The following WDR37 variants were observed in gnomAD, a reference collection of about 807,000 sequenced individuals.
The protein encoded by WDR37 is WD repeat-containing protein 37.
In WDR37, 19 loss-of-function variants were observed where a neutral mutation model predicts 62.9. That is an observed-to-expected ratio of 0.30 (90% CI 0.21 to 0.44). The LOEUF (loss-of-function observed/expected upper bound fraction) is 0.44. Ranked by LOEUF, WDR37 falls within the 20% of genes least tolerant of loss-of-function variation. WDR37 has a pLI of 1.00. For missense variants in WDR37, 474 were observed against 657.6 expected (o/e 0.72, Z 3.05); for synonymous variants, 250 against 260.9 (o/e 0.96, Z 0.40).
At chr10:1,089,664 G>A (rs117884517) in intron 7 of WDR37, among the ~76,000 whole-genome samples, 9 of 28,162 alleles carry the variant, frequency 3.2e-4, no homozygotes, top group Admixed American at 1.4e-3. Flanking sequence ...CTCACCCGCA[G>A]TTCGGCCTTC....
chr10:1,066,402 C>T (rs1056291510), intron 1 of WDR37, among the ~76,000 whole-genome samples: 9 of 152,198 alleles, frequency 5.9e-5, no homozygotes, highest in African/African-American at 2.2e-4. Flanking sequence ...AGGCGTGAGC[C>T]ACCTCGCCCA....
At chr10:1,101,789 C>T (rs900305977) in intron 9 of WDR37, among the ~76,000 whole-genome samples, 1 of 152,230 alleles carries the variant, frequency 6.6e-6, no homozygotes, top group Non-Finnish European at 1.5e-5. Flanking sequence ...TTAACCTTTC[C>T]TTTCCTCACA....
rs1398358848 is a variant in WDR37, at chr10:1,130,231, G to C, written c.*887G>C. ...TTCCGAATGGGCTCACTCCCGTGGT[G>C]GTGTTTGAGAGCCAACAACACTACC... On this transcript the variant is annotated 3_prime_UTR_variant, in exon 14 of 14. Coordinates refer to ENST00000263150, the MANE Select transcript of WDR37 (RefSeq NM_014023.4). 6.6e-6 allele frequency: 1 copy of C among 152,668 alleles called. No individual in the cohort carries two copies. Among genetic ancestry groups the C allele is most frequent in the East Asian group, 1.9e-4 (1 of 5,198 alleles). 9.5% of individuals were successfully genotyped at this position (152,668 alleles called of 1,614,324 possible). A position where few individuals can be genotyped will look rare whatever the true frequency, so the allele number is the denominator to read the frequency against.
At chr10:1,058,896 AATTT>A (rs1425166409) in intron 1 of WDR37, among the ~76,000 whole-genome samples, 1 of 152,218 alleles carries the variant, frequency 6.6e-6, no homozygotes, top group African/African-American at 2.4e-5. Context: ...TTATTTCTCC[AATTT>A]ATTTTTAATG....
At chr10:1,096,397 T>G in intron 9 of WDR37, 151 bp downstream of exon 9, 1 of 793,730 alleles carries the variant, frequency 1.3e-6, no homozygotes, top group Admixed American at 2.2e-5. Flanking sequence ...ATTTGGAGAT[T>G]GGGCCTCTAA....
At chr10:1,073,015 G>A (rs143930493) in intron 2 of WDR37, among the ~76,000 whole-genome samples, 452 of 152,216 alleles carry the variant, frequency 3.0e-3, no homozygotes, top group East Asian at 5.4e-3. Flanking sequence ...GTTTATCCTT[G>A]TCTCTGCCGC....
chr10:1,059,315 G>T lies in WDR37; in HGVS notation c.-41+2347G>T, dbSNP rs554507159. On this transcript the variant is annotated intron_variant, in intron 1 of 13. Coordinates refer to ENST00000263150, the MANE Select transcript of WDR37 (RefSeq NM_014023.4). ...CACTTGAACTCAGGAGGCAGAAGTT[G>T]CGGTTAGCCGAGATCACGCCACTGC... 3.3e-5 allele frequency among the ~76,000 whole-genome samples: 5 copies of T among 152,308 alleles called. No homozygotes were observed. In the South Asian group the frequency reaches 1.0e-3, roughly 32 times the overall value.
chr10:1,081,832 A>G (rs1354277326), intron 5 of WDR37, among the ~76,000 whole-genome samples: 1 of 152,196 alleles, frequency 6.6e-6, no homozygotes, highest in Non-Finnish European at 1.5e-5. Flanking sequence ...TATACAATGT[A>G]TGGTCTTGGA....
chr10:1,125,050 G>A, intron 13 of WDR37, 26 bp downstream of exon 13: 2 of 1,613,454 alleles, frequency 1.2e-6, no homozygotes, highest in Non-Finnish European at 1.7e-6. Context: ...GTGAACATAT[G>A]CAGGGCACAG....
intron 11 of WDR37, among the ~76,000 whole-genome samples, chr10:1,119,741 C>T (rs1165561746): frequency 6.6e-6 from 1 of 152,222 alleles, no homozygotes; most frequent in Non-Finnish European, 1.5e-5. Context: ...TTTACCTCCT[C>T]CTCTTCTGCA....
rs1423740856 is a variant in WDR37, at chr10:1,129,997, C to G, written c.*653C>G. 1 of 152,574 alleles carries G rather than the reference C, an allele frequency of 6.6e-6. No individual in the cohort carries two copies. Among genetic ancestry groups the G allele is most frequent in the East Asian group, 1.9e-4 (1 of 5,198 alleles). The allele number at this position is 152,574 out of a possible 1,614,324, so 9.5% of individuals were successfully genotyped here. ...TTTTTATAGAAAATCATTTCAGTCT[C>G]CCGAGGTCTCATGCTAGCAAATTTT... On this transcript the variant is annotated 3_prime_UTR_variant, in exon 14 of 14. Transcript: ENST00000263150.
At chr10:1,057,437 G>A (rs548656839) in intron 1 of WDR37, among the ~76,000 whole-genome samples, 8 of 152,180 alleles carry the variant, frequency 5.3e-5, no homozygotes, top group African/African-American at 1.9e-4. Context: ...CTTCAGAGAG[G>A]AGAATGGCCT....
intron 8 of WDR37, among the ~76,000 whole-genome samples, chr10:1,095,555 TGAAG>T (rs967521593): frequency 2.6e-5 from 4 of 152,234 alleles, no homozygotes; most frequent in Non-Finnish European, 4.4e-5. Context: ...TGGGTGGCAG[TGAAG>T]AGAAGGTGGA....
chr10:1,077,346 C>T (rs1444311476), intron 2 of WDR37, among the ~76,000 whole-genome samples: 1 of 152,214 alleles, frequency 6.6e-6, no homozygotes, highest in Admixed American at 6.5e-5. Context: ...AATGTTTTCA[C>T]TCAATTAATA....
At chr10:1,080,353 T>G in intron 4 of WDR37, 59 bp from the exon 5 acceptor site, 29 of 1,604,120 alleles carry the variant, frequency 1.8e-5, no homozygotes, top group Non-Finnish European at 2.2e-5. Flanking sequence ...GACCCATTTG[T>G]GAGGCTATAG....
Position 1,080,376 on chromosome 10 carries a change from G to A in WDR37, c.332-36G>A. 4.3e-6 allele frequency: 7 copies of A among 1,613,596 alleles called. No individual in the cohort carries two copies. The South Asian group carries it at 5.5e-5, about 13-fold the overall frequency. On this transcript the variant is annotated intron_variant, in intron 4 of 13. Coordinates refer to ENST00000263150, the MANE Select transcript of WDR37 (RefSeq NM_014023.4). ...TGTGAGGCTATAGGTCTTTGATTGTGTGATTGTGTTTGATTGTCACTCTCT... is the reference window on the plus strand; with the variant it reads ...TGTGAGGCTATAGGTCTTTGATTGTATGATTGTGTTTGATTGTCACTCTCT...
chr10:1,105,078 A>T lies in WDR37; in HGVS notation c.962-48A>T. 1 of 1,603,756 alleles carries T rather than the reference A, an allele frequency of 6.2e-7. No homozygotes were observed. Among genetic ancestry groups the T allele is most frequent in the Non-Finnish European group, 8.5e-7 (1 of 1,171,736 alleles). ...TGTGCTGTTGAAAAGCGTCTCTCTC[A>T]GCGTGCTCCTCAGGTGATGACCTTG... On this transcript the variant is annotated intron_variant, in intron 10 of 13. Transcript: ENST00000263150. This position sits in a 1 kb window ranked among gnomAD's most constrained non-coding sequence, Gnocchi z 5.3.
At chr10:1,079,937 C>A in intron 3 of WDR37, 74 bp from the exon 4 acceptor site, 1 of 1,258,916 alleles carries the variant, frequency 7.9e-7, no homozygotes, top group South Asian at 1.3e-5. Flanking sequence ...TTTCTGTGTG[C>A]GAGTTTTGGA....
At chr10:1,114,591 C>T (rs1302413390) in intron 11 of WDR37, among the ~76,000 whole-genome samples, 1 of 152,204 alleles carries the variant, frequency 6.6e-6, no homozygotes, top group Non-Finnish European at 1.5e-5. Flanking sequence ...CTGTATGCAC[C>T]GGAAAACCAG....
Sources: gnomAD v4.1 joint callset for allele counts (sites outside exome capture counted in the v4.1 genomes callset) on GRCh38, gnomAD v4.1.1 for gene constraint, Gnocchi (gnomAD v3.1) non-coding constraint, MANE v1.5 for transcripts, NCBI Gene and HGNC (gene_info 2026-07-23, HGNC 2026-07-21) for gene names.